Variants in KDM7A observed in about 807,000 individuals in gnomAD.
The protein encoded by KDM7A is lysine-specific demethylase 7A.
Under a neutral mutation model 114.8 loss-of-function variants are expected in KDM7A, and 28 were observed. The ratio of observed to expected loss-of-function variants is 0.24; its 90% confidence interval spans 0.18 to 0.33. The LOEUF is 0.33. Among genes scored for constraint, KDM7A ranks in the 10% least tolerant of loss-of-function variants. The pLI is 1.00. For missense variants in KDM7A, 942 were observed against 1,142.5 expected, an observed-to-expected ratio of 0.82 and a Z score of 2.53; for synonymous variants, 423 against 397.8, an observed-to-expected ratio of 1.06 and a Z score of -0.75.
At chr7:140,146,376 C>T (rs979093032) in intron 1 of KDM7A, among the ~76,000 whole-genome samples, 2 of 152,326 alleles carry the variant, frequency 1.3e-5, no homozygotes, top group East Asian at 1.9e-4. Context: ...CTCTCTTTAT[C>T]ACCCACTCCA....
At chr7:140,115,025 GT>G (rs1441124353) in intron 9 of KDM7A, among the ~76,000 whole-genome samples, 1 of 151,072 alleles carries the variant, frequency 6.6e-6, no homozygotes, top group Non-Finnish European at 1.5e-5. Context: ...CAGCCGCCCC[GT>G]CCAGGAGGTT....
At chr7:140,139,017 G>T in intron 2 of KDM7A, 88 bp downstream of exon 2, 1 of 814,936 alleles carries the variant, frequency 1.2e-6, no homozygotes, top group Non-Finnish European at 2.1e-6. Context: ...ACTCCTCAGA[G>T]TATCATTAAA....
At chr7:140,091,658 A>G in intron 19 of KDM7A, 146 bp downstream of exon 19, 1 of 869,412 alleles carries the variant, frequency 1.2e-6, no homozygotes, top group Non-Finnish European at 1.8e-6. Flanking sequence ...TTGTTCCTGT[A>G]GTAGCCTGTG....
intron 1 of KDM7A, among the ~76,000 whole-genome samples, chr7:140,174,097 G>C (rs1322726781): frequency 6.6e-6 from 1 of 151,704 alleles, no homozygotes; most frequent in East Asian, 1.9e-4. Flanking sequence ...CCGGGAGGCG[G>C]AGTTTGCAGT....
At chr7:140,119,022 T>C (rs74399532) in intron 9 of KDM7A, 91 bp downstream of exon 9, 12,838 of 715,516 alleles carry the variant, frequency 0.018, 151 homozygotes, top group Middle Eastern at 0.027. Flanking sequence ...CATACACTAC[T>C]AGAAAAGGGA....
At chr7:140,133,761 A>G (rs187482728) in intron 2 of KDM7A, 105 bp from the exon 3 acceptor site, 1 of 593,826 alleles carries the variant, frequency 1.7e-6, no homozygotes, top group African/African-American at 1.8e-5. Context: ...TTGTAAGTAC[A>G]TTAAAAACAC....
rs1486525910 is a variant in KDM7A at position 140,090,142 on chromosome 7, A to G, written c.*952T>C. ...TAAACATGACAATTTAACCAAACTT[A>G]TAATACTTTTCCCACAAGTAGGAAA... On this transcript the variant is annotated 3_prime_UTR_variant, in exon 20 of 20. Transcript: ENST00000397560. 3 of 152,246 alleles carry G rather than the reference A, an allele frequency of 2.0e-5. No individual in the cohort carries two copies. Among genetic ancestry groups the G allele is most frequent in the Admixed American group, 6.5e-5 (1 of 15,284 alleles). 9.4% of individuals were successfully genotyped at this position (152,246 alleles called of 1,614,324 possible).
intron 1 of KDM7A, among the ~76,000 whole-genome samples, chr7:140,142,081 T>G (rs890482918): frequency 4.7e-5 from 7 of 148,204 alleles, no homozygotes; most frequent in Admixed American, 4.0e-4. Context: ...TTATATATCT[T>G]TTTAAAGGAA....
At chr7:140,093,448 C>T (rs1407343048) in intron 18 of KDM7A, among the ~76,000 whole-genome samples, 1 of 152,098 alleles carries the variant, frequency 6.6e-6, no homozygotes, top group Non-Finnish European at 1.5e-5. Flanking sequence ...CTTATGTGTG[C>T]TTGGGGTAGA....
chr7:140,106,681 T>A (rs980233410), intron 11 of KDM7A, among the ~76,000 whole-genome samples: 2 of 152,230 alleles, frequency 1.3e-5, no homozygotes, highest in Non-Finnish European at 2.9e-5. Flanking sequence ...TTCTTTTACA[T>A]TCGCTGAGGA....
At chr7:140,149,261 C>T (rs1794373800) in intron 1 of KDM7A, among the ~76,000 whole-genome samples, 2 of 152,206 alleles carry the variant, frequency 1.3e-5, no homozygotes, top group African/African-American at 2.4e-5. Context: ...ATCTGTCCCA[C>T]AATGAATATG....
chr7:140,154,937 A>T (rs760515271), intron 1 of KDM7A, among the ~76,000 whole-genome samples: 26 of 152,298 alleles, frequency 1.7e-4, no homozygotes, highest in Admixed American at 3.3e-4. Flanking sequence ...GCAATTTTAC[A>T]ATTGGTACAA....
At chr7:140,157,610 T>C (rs113341329) in intron 1 of KDM7A, among the ~76,000 whole-genome samples, 8 of 152,092 alleles carry the variant, frequency 5.3e-5, no homozygotes, top group African/African-American at 1.7e-4. Flanking sequence ...GCTGTGATCA[T>C]GCAACAGCAC....
Position 140,092,085 on chromosome 7 carries a change from A to G in KDM7A, c.2458-8T>C. On this transcript the variant is annotated splice_polypyrimidine_tract_variant and splice_region_variant and intron_variant, in intron 18 of 19. Coordinates refer to ENST00000397560, the MANE Select transcript of KDM7A (RefSeq NM_030647.2). The stretch of plus-strand genomic sequence containing the variant: ...CTGGCTTCTACTTAGATCCTGAAGG[A>G]GGAGGAAGGACATGAGGCTGAATTT... 6.2e-7 allele frequency: 1 copy of G among 1,613,644 alleles called. No individual in the cohort carries two copies. Among genetic ancestry groups the G allele is most frequent in the Non-Finnish European group, 8.5e-7 (1 of 1,179,698 alleles).
chr7:140,099,956 T>G lies in KDM7A; in HGVS notation c.1706A>C (p.Glu569Ala). 6.2e-7 allele frequency: 1 copy of G among 1,611,036 alleles called. No individual in the cohort carries two copies. The highest frequency in any genetic ancestry group is 1.1e-5 in the South Asian group (1 of 91,042). Residue 569 changes from glutamate (E) to alanine (A), a missense_variant, in exon 13 of 20, where the codon GAA (glutamate) becomes GCA (alanine). This residue lies in a region of KDM7A where 512 missense variants were observed against 576.6 expected (regional missense o/e 0.89). Coordinates refer to ENST00000397560, the MANE Select transcript of KDM7A (RefSeq NM_030647.2). ...TAGATCATTATCTTTCGCTCTCCAT[T>G]CAGGTACTGTGGAGGATGGTTGGAG... is the stretch of plus-strand genomic sequence containing the variant. ...KHLQPSSTVP[E>A]WRAKDNDLRL...
chr7:140,114,965 C>G (rs1172463717), intron 9 of KDM7A, among the ~76,000 whole-genome samples: 7 of 151,874 alleles, frequency 4.6e-5, no homozygotes, highest in African/African-American at 1.7e-4. Flanking sequence ...TGAGGAGCCC[C>G]TCCGCCCGGC....
At chr7:140,113,076 T>C (rs1180033745) in intron 10 of KDM7A, among the ~76,000 whole-genome samples, 1 of 152,222 alleles carries the variant, frequency 6.6e-6, no homozygotes, top group Non-Finnish European at 1.5e-5. Flanking sequence ...TCTTTGAACC[T>C]TGGCTTTCCC....
At chr7:140,120,886 C>T (rs80074530) in intron 7 of KDM7A, among the ~76,000 whole-genome samples, 3 of 152,278 alleles carry the variant, frequency 2.0e-5, no homozygotes, top group East Asian at 3.9e-4. Context: ...GAAATTAAGG[C>T]GTGAGCCACT....
chr7:140,164,705 T>C (rs1389491145), intron 1 of KDM7A, among the ~76,000 whole-genome samples: 1 of 152,204 alleles, frequency 6.6e-6, no homozygotes, highest in Non-Finnish European at 1.5e-5. Context: ...ATTACAGGTT[T>C]TTAAAATTGA....
Sources: gnomAD v4.1 joint callset for allele counts (sites outside exome capture counted in the v4.1 genomes callset) on GRCh38, gnomAD v4.1.1 for gene constraint, gnomAD v4.1.1 regional missense constraint, MANE v1.5 for transcripts, NCBI Gene and HGNC (gene_info 2026-07-23, HGNC 2026-07-21) for gene names.